The following TSHR variants were observed in gnomAD, a reference collection of about 807,000 sequenced individuals.
TSHR encodes the protein thyrotropin receptor.
Under a neutral mutation model 64.1 loss-of-function variants are expected in TSHR, and 51 were observed. That is an observed-to-expected ratio of 0.80 (90% CI 0.64 to 1.01). TSHR has a LOEUF of 1.01. TSHR is among the 50% of genes least tolerant of loss of function. The pLI, the probability that TSHR is intolerant of heterozygous loss-of-function variation, is 0.00. For missense variants in TSHR, 877 were observed against 942.8 expected (o/e 0.93, Z 0.91); for synonymous variants, 361 against 361.9 (o/e 1.00, Z 0.03).
intron 1 of TSHR, among the ~76,000 whole-genome samples, chr14:81,054,895 T>C (rs1885669965): frequency 6.6e-6 from 1 of 152,158 alleles, no homozygotes; most frequent in Non-Finnish European, 1.5e-5. Context: ...TCCCATTTTC[T>C]GAGGAGAAAT....
intron 1 of TSHR, among the ~76,000 whole-genome samples, chr14:80,999,926 C>CTTTTTTTTT (rs887541689): frequency 8.4e-5 from 12 of 142,908 alleles, no homozygotes; most frequent in East Asian, 2.2e-4. Context: ...AATTTTTTTT[C>CTTTTTTTTT]TTTTTTTTCT....
At position 81,103,678 on chromosome 14, in the gene TSHR, A is replaced by G. The variant is rs1472252645; in HGVS notation, c.615-4697A>G. The G allele has an allele frequency of 1.0e-5, 10 of 985,354 alleles. No homozygotes were observed. Among genetic ancestry groups the G allele is most frequent in the Non-Finnish European group, 1.2e-5 (10 of 829,946 alleles). 61.0% of individuals were successfully genotyped at this position (985,354 alleles called of 1,614,324 possible). A position where few individuals can be genotyped will look rare whatever the true frequency, so the allele number is the denominator to read the frequency against. On this transcript the variant is annotated intron_variant, in intron 7 of 9. Transcript: ENST00000298171. The surrounding 1 kb of genome is among the most constrained non-coding windows in gnomAD (Gnocchi z 4.1). The stretch of plus-strand genomic sequence containing the variant: ...CAGAGGTGAAATTAATAATAATACA[A>G]GCATCCCTTGCTCAACAGAAGTTGA...
intron 1 of TSHR, among the ~76,000 whole-genome samples, chr14:81,040,847 G>C (rs540671834): frequency 1.5e-4 from 23 of 152,180 alleles, no homozygotes; most frequent in African/African-American, 5.3e-4. Context: ...ATTAAAAAGT[G>C]GGCAAAGGAC....
chr14:81,123,541 T>C (rs779620936), intron 8 of TSHR, among the ~76,000 whole-genome samples: 6 of 152,228 alleles, frequency 3.9e-5, no homozygotes, highest in Non-Finnish European at 7.3e-5. Context: ...GATTTCATTG[T>C]CATTTGTTGT....
intron 6 of TSHR, among the ~76,000 whole-genome samples, chr14:81,092,951 GCATGTCTGTGTT>G (rs755848337): frequency 6.6e-6 from 1 of 152,150 alleles, no homozygotes; most frequent in Non-Finnish European, 1.5e-5. Context: ...ACACTAATGA[GCATGTCTGTGTT>G]CCAATAAAAC....
chr14:80,994,171 C>G (rs528034847), intron 1 of TSHR: 4 of 151,058 alleles, frequency 2.6e-5, no homozygotes, highest in African/African-American at 9.7e-5. Context: ...ATAACGTTTT[C>G]TTTTTTTTTC....
chr14:80,999,626 T>A (rs1439711423), intron 1 of TSHR, among the ~76,000 whole-genome samples: 1 of 152,218 alleles, frequency 6.6e-6, no homozygotes, highest in Admixed American at 6.5e-5. Context: ...AGTGGATTTT[T>A]TTCCATTAAC....
intron 8 of TSHR, among the ~76,000 whole-genome samples, chr14:81,137,071 G>A (rs534950850): frequency 3.3e-5 from 5 of 152,166 alleles, no homozygotes; most frequent in South Asian, 2.1e-4. Flanking sequence ...GTATCTGCCC[G>A]CTTCATAAAA....
intron 3 of TSHR, among the ~76,000 whole-genome samples, chr14:81,069,625 ACT>A (rs1433933659): frequency 6.6e-6 from 1 of 152,090 alleles, no homozygotes; most frequent in East Asian, 1.9e-4. Context: ...GGAAAATAAA[ACT>A]CTGAGTTCCG....
intron 9 of TSHR, among the ~76,000 whole-genome samples, chr14:81,142,286 G>A (rs1174886078): frequency 6.6e-6 from 1 of 152,140 alleles, no homozygotes; most frequent in Non-Finnish European, 1.5e-5. Context: ...TCACCATGTT[G>A]GCCAGGCTGG....
At chr14:81,005,655 T>G (rs1889563632) in intron 1 of TSHR, among the ~76,000 whole-genome samples, 1 of 152,178 alleles carries the variant, frequency 6.6e-6, no homozygotes, top group South Asian at 2.1e-4. Flanking sequence ...TTTGCAGTTT[T>G]GAGATGGCTA....
At chr14:80,964,257 T>C (rs1482528909) in intron 1 of TSHR, among the ~76,000 whole-genome samples, 1 of 152,172 alleles carries the variant, frequency 6.6e-6, no homozygotes, top group African/African-American at 2.4e-5. Context: ...CATTCAGACA[T>C]GATATCAGAG....
rs1004615582 is a variant in TSHR, at chr14:81,129,174, A to G, written c.693-10505A>G. Among the ~76,000 whole-genome samples, 3 of 152,136 alleles carry G rather than the reference A, an allele frequency of 2.0e-5. No homozygotes were observed. The East Asian group carries it at 5.8e-4, about 29-fold the overall frequency. On this transcript the variant is annotated intron_variant, in intron 8 of 9. Transcript: ENST00000298171. ...ACTAGACCTGTCATGACCAATGACT[A>G]CAAAGCCTCCATAACCTTAATCTTA...
chr14:81,011,859 A>AAAATAAATAAAT (rs201530269), intron 1 of TSHR, among the ~76,000 whole-genome samples: 1 of 151,606 alleles, frequency 6.6e-6, no homozygotes, highest in East Asian at 1.9e-4. Flanking sequence ...ACTCTGTCTC[A>AAAATAAATAAAT]AAATAAATAA....
chr14:81,109,028 G>T (rs1013464105), intron 8 of TSHR: 5 of 1,204,308 alleles, frequency 4.2e-6, no homozygotes, highest in Non-Finnish European at 5.2e-6. Flanking sequence ...CTTCCCTGAA[G>T]CCTCTGTATC....
intron 1 of TSHR, among the ~76,000 whole-genome samples, chr14:81,023,030 T>C (rs547646208): frequency 6.6e-6 from 1 of 152,134 alleles, no homozygotes; most frequent in African/African-American, 2.4e-5. Flanking sequence ...CATGTGGAGA[T>C]CTCTTGGTGC....
chr14:81,100,664 T>C (rs901687002), intron 7 of TSHR, among the ~76,000 whole-genome samples: 2 of 152,210 alleles, frequency 1.3e-5, no homozygotes, highest in Non-Finnish European at 2.9e-5. Context: ...CTCAGTTCAG[T>C]TAATTTGCTA....
intron 8 of TSHR, among the ~76,000 whole-genome samples, chr14:81,111,372 C>G (rs1890218119): frequency 6.6e-6 from 1 of 152,154 alleles, no homozygotes; most frequent in South Asian, 2.1e-4. Context: ...TAGCAGTAGT[C>G]TAGATGATTA....
chr14:81,067,267 TG>T (rs1431873405), intron 2 of TSHR, among the ~76,000 whole-genome samples: 2 of 151,990 alleles, frequency 1.3e-5, no homozygotes, highest in Admixed American at 1.3e-4. Flanking sequence ...CTGATGCTCA[TG>T]TTTTTTTGCT....
Sources: gnomAD v4.1 joint callset for allele counts (sites outside exome capture counted in the v4.1 genomes callset) on GRCh38, gnomAD v4.1.1 for gene constraint, Gnocchi (gnomAD v3.1) non-coding constraint, MANE v1.5 for transcripts, NCBI Gene and HGNC (gene_info 2026-07-23, HGNC 2026-07-21) for gene names.